Variants in ANXA4 observed in about 807,000 individuals in gnomAD.
The protein encoded by ANXA4 is annexin A4.
In ANXA4, 39 loss-of-function variants were observed where a neutral mutation model predicts 49.8. The observed-to-expected ratio is 0.78, with a 90% CI of 0.61 to 1.02. The LOEUF is 1.02. Among genes scored for constraint, ANXA4 ranks in the 50% least tolerant of loss-of-function variants. The probability of loss-of-function intolerance (pLI) is 0.00; values close to 1 mark genes in which losing one functional copy is unlikely to be tolerated. For missense variants in ANXA4, 360 were observed against 410.1 expected (o/e 0.88, Z 1.05); for synonymous variants, 134 against 152.5 (o/e 0.88, Z 0.89).
intron 2 of ANXA4, among the ~76,000 whole-genome samples, chr2:69,694,360 C>A (rs1678083570): frequency 7.1e-6 from 1 of 141,420 alleles, no homozygotes; most frequent in African/African-American, 2.5e-5. Context: ...GTAAACAATA[C>A]ATTTCTTTTT....
intron 1 of ANXA4, among the ~76,000 whole-genome samples, chr2:69,762,877 A>G (rs577639043): frequency 2.6e-5 from 4 of 152,046 alleles, no homozygotes; most frequent in Non-Finnish European, 4.4e-5. Context: ...ACACTCACAC[A>G]CACTCATACT....
intron 2 of ANXA4, among the ~76,000 whole-genome samples, chr2:69,708,797 A>T (rs1056118950): frequency 1.3e-5 from 2 of 152,016 alleles, no homozygotes; most frequent in Non-Finnish European, 2.9e-5. Context: ...CAGGCAGATC[A>T]TTTGAGGCCA....
intron 1 of ANXA4, among the ~76,000 whole-genome samples, chr2:69,757,264 ATATTTTTTTTTT>A (rs1671090553): frequency 3.6e-5 from 1 of 28,034 alleles, no homozygotes; most frequent in African/African-American, 1.7e-4. Context: ...ATATATATAT[ATATTTTTTTTTT>A]TTTTTTTTTT....
At chr2:69,651,744 C>A (rs1350418730) in intron 1 of ANXA4, among the ~76,000 whole-genome samples, 2 of 150,346 alleles carry the variant, frequency 1.3e-5, no homozygotes, top group African/African-American at 4.9e-5. Context: ...CGTCGTGATC[C>A]CCCCATCTCG....
chr2:69,710,237 G>A (rs58372606), intron 2 of ANXA4, among the ~76,000 whole-genome samples: 8,746 of 151,778 alleles, frequency 0.058, 862 homozygotes, highest in African/African-American at 0.2. Flanking sequence ...TGCCCACTTC[G>A]GCCTCCCAAA....
At chr2:69,814,033 C>G (rs1394361827) in intron 8 of ANXA4, among the ~76,000 whole-genome samples, 3 of 152,258 alleles carry the variant, frequency 2.0e-5, no homozygotes, top group East Asian at 3.9e-4. Context: ...GCCGGGATTA[C>G]AGGCATGAGC....
intron 3 of ANXA4, among the ~76,000 whole-genome samples, chr2:69,726,149 G>A (rs773123595): frequency 2.0e-5 from 3 of 152,134 alleles, no homozygotes; most frequent in Admixed American, 6.5e-5. Context: ...TTATGGGGGC[G>A]GTTTCCCCCG....
intron 2 of ANXA4, 97 bp downstream of exon 2, chr2:69,781,671 C>T: frequency 7.2e-7 from 1 of 1,386,618 alleles, no homozygotes. Context: ...GCATTGTTTA[C>T]TCAACAGAGG....
rs939203336 is a variant in ANXA4 at position 69,825,631 on chromosome 2, C to A, written c.*116C>A. ...TGCTTATTTCCAATTAAAACGCCTA[C>A]AGCTGCCTCCTAGAATATAGACTGT... On this transcript the variant is annotated 3_prime_UTR_variant, in exon 13 of 13. Coordinates refer to ENST00000394295, the MANE Select transcript of ANXA4 (RefSeq NM_001153.5). 5.7e-6 allele frequency: 4 copies of A among 699,564 alleles called. No homozygotes were observed. In the African/African-American group the frequency reaches 7.3e-5, roughly 13 times the overall value. 43.3% of individuals were successfully genotyped at this position (699,564 alleles called of 1,614,324 possible). A position where few individuals can be genotyped will look rare whatever the true frequency, so the allele number is the denominator to read the frequency against.
chr2:69,686,510 T>A (rs2105365785), intron 2 of ANXA4, among the ~76,000 whole-genome samples: 1 of 152,302 alleles, frequency 6.6e-6, no homozygotes, highest in East Asian at 1.9e-4. Context: ...TGGAGTACGG[T>A]GGCGTGATCT....
At chr2:69,701,658 C>G (rs1239231028) in intron 2 of ANXA4, among the ~76,000 whole-genome samples, 1 of 152,152 alleles carries the variant, frequency 6.6e-6, no homozygotes, top group African/African-American at 2.4e-5. Context: ...CCCACCACAG[C>G]AAGTAGGTCC....
At chr2:69,752,797 C>A (rs1248683784) in intron 1 of ANXA4, among the ~76,000 whole-genome samples, 1 of 152,190 alleles carries the variant, frequency 6.6e-6, no homozygotes, top group Admixed American at 6.5e-5. Context: ...ACCCTCTAGG[C>A]CTGGCCTGCC....
intron 3 of ANXA4, among the ~76,000 whole-genome samples, chr2:69,727,824 T>G (rs1670000280): frequency 6.6e-6 from 1 of 152,200 alleles, no homozygotes; most frequent in African/African-American, 2.4e-5. Flanking sequence ...CGCTAATGTC[T>G]TTTTCTGGGC....
intron 1 of ANXA4, among the ~76,000 whole-genome samples, chr2:69,652,835 G>T (rs755243626): frequency 1.9e-4 from 29 of 152,168 alleles, no homozygotes; most frequent in Non-Finnish European, 1.8e-4. Flanking sequence ...CCCCAGCCTG[G>T]GCGACAGAGC....
chr2:69,709,719 C>G (rs1170072194), intron 2 of ANXA4, among the ~76,000 whole-genome samples: 33 of 152,272 alleles, frequency 2.2e-4, no homozygotes, highest in Non-Finnish European at 2.9e-5. Context: ...AATTATAGTT[C>G]AAAGCTTTGG....
At chr2:69,819,006 T>C (rs1255853526) in intron 10 of ANXA4, among the ~76,000 whole-genome samples, 1 of 152,248 alleles carries the variant, frequency 6.6e-6, no homozygotes, top group Non-Finnish European at 1.5e-5. Context: ...ATATGGCAGA[T>C]ACAGTAATCC....
chr2:69,670,662 A>C (rs902882597), intron 2 of ANXA4, among the ~76,000 whole-genome samples: 1 of 152,090 alleles, frequency 6.6e-6, no homozygotes, highest in Non-Finnish European at 1.5e-5. Flanking sequence ...GGAAGAGTAA[A>C]TAGTACTGGA....
rs1472873573 is a variant in ANXA4, at chr2:69,757,260, ATATATATTTTTTTTTTT to A, written c.-47+15087_-47+15103del. Among the ~76,000 whole-genome samples the A allele has an allele frequency of 4.8e-3, 248 of 51,720 alleles. 2 individuals are homozygous for A. The highest frequency in any genetic ancestry group is 0.017 in the African/African-American group (240 of 14,248). The allele number at this position is 51,720 out of a possible 152,430, so 33.9% of individuals were successfully genotyped here. ...GTTTTATATATATATATATATATAT[ATATATATTTTTTTTTTT>A]TTTTTTTTTTTTAGGTGGAGTCTCG... is the stretch of plus-strand genomic sequence containing the variant. On this transcript the variant is annotated intron_variant, in intron 1 of 12. Transcript: ENST00000394295.
chr2:69,698,614 C>CGTT (rs1678233673), intron 2 of ANXA4, among the ~76,000 whole-genome samples: 1 of 152,090 alleles, frequency 6.6e-6, no homozygotes, highest in Non-Finnish European at 1.5e-5. Context: ...GGACAAGCTG[C>CGTT]GTTGTCGGCT....
Sources: allele counts gnomAD v4.1 joint callset (sites outside exome capture counted in the v4.1 genomes callset), GRCh38; gene constraint gnomAD v4.1.1; transcripts MANE v1.5; gene names NCBI Gene and HGNC (gene_info 2026-07-23, HGNC 2026-07-21).